Variants in RBM20 observed in about 807,000 individuals in gnomAD.
RBM20 encodes RNA-binding protein 20.
A neutral mutation model predicts 110.1 loss-of-function variants in RBM20; 51 were observed. That is an observed-to-expected ratio of 0.46 (90% CI 0.37 to 0.59). The LOEUF (loss-of-function observed/expected upper bound fraction) is 0.59, where lower values mean the gene tolerates loss of function less well. RBM20 is among the 20% of genes least tolerant of loss of function. The probability of loss-of-function intolerance (pLI) is 0.00; values close to 1 mark genes in which losing one functional copy is unlikely to be tolerated. For synonymous variants in RBM20, 589 were observed against 618.2 expected, an observed-to-expected ratio of 0.95 and a Z score of 0.70; for missense variants, 1,512 against 1,574.9, an observed-to-expected ratio of 0.96 and a Z score of 0.68.
At chr10:110,659,815 T>TTCTTCC (rs142740615) in intron 1 of RBM20, among the ~76,000 whole-genome samples, 6 of 147,224 alleles carry the variant, frequency 4.1e-5, no homozygotes, top group South Asian at 2.2e-4. Flanking sequence ...CCCCTTCCTC[T>TTCTTCC]TCTTCCTCTT....
rs771150636 is a variant in RBM20 at position 110,797,516 on chromosome 10, G to A, written c.1536G>A (p.Gln512=). The change falls in exon 6 of 14, where the codon CAG becomes CAA. Residue 512 remains glutamine (Q), a synonymous_variant. Transcript: ENST00000369519. The part of the protein sequence containing the change: ...PLASVGTTFA[Q]RKGAGRVVHI... ...ATCTTTGTTCCCATTAGTTTGCACA[G>A]CGGAAAGGGGCTGGCCGTGTGGTGC... is the stretch of plus-strand genomic sequence containing the variant. 4 of 1,551,076 alleles carry A rather than the reference G, an allele frequency of 2.6e-6. No individual in the cohort carries two copies. In the South Asian group the frequency reaches 4.8e-5, roughly 18 times the overall value.
chr10:110,723,926 T>A (rs1843535352), intron 1 of RBM20, among the ~76,000 whole-genome samples: 1 of 152,240 alleles, frequency 6.6e-6, no homozygotes, highest in South Asian at 2.1e-4. Context: ...ATTATAGGCT[T>A]ATCTTTTCTT....
intron 13 of RBM20, among the ~76,000 whole-genome samples, chr10:110,834,136 G>A (rs1197444301): frequency 3.3e-5 from 5 of 152,168 alleles, no homozygotes; most frequent in South Asian, 2.1e-4. Context: ...TGGAGTCAGC[G>A]CTCGATAGGA....
intron 1 of RBM20, among the ~76,000 whole-genome samples, chr10:110,768,195 A>T (rs543512421): frequency 6.6e-6 from 1 of 152,190 alleles, no homozygotes; most frequent in Non-Finnish European, 1.5e-5. Flanking sequence ...GTCCAGCTTC[A>T]GCTCGGCATC....
rs117075153 is a variant in RBM20 at position 110,739,262 on chromosome 10, G to C, written c.192-41539G>C. ...TGTTTTTAGGAAGATATTTGAGCAG[G>C]AGATCATGAAAATTTTGCAAGAATC... On this transcript the variant is annotated intron_variant, in intron 1 of 13. Transcript: ENST00000369519. The surrounding 1 kb of genome is among the most constrained non-coding windows in gnomAD (Gnocchi z 4.1). 2.6e-5 allele frequency among the ~76,000 whole-genome samples: 4 copies of C among 152,148 alleles called. No homozygotes were observed. Among genetic ancestry groups the C allele is most frequent in the African/African-American group, 9.7e-5 (4 of 41,430 alleles).
At chr10:110,645,592 C>T (rs1464603737) in intron 1 of RBM20, among the ~76,000 whole-genome samples, 1 of 152,218 alleles carries the variant, frequency 6.6e-6, no homozygotes, top group Non-Finnish European at 1.5e-5. Flanking sequence ...TTCTGCTGCT[C>T]CGCTGATGCT....
chr10:110,816,956 T>C (rs1844847841), intron 9 of RBM20, among the ~76,000 whole-genome samples: 1 of 152,236 alleles, frequency 6.6e-6, no homozygotes, highest in South Asian at 2.1e-4. Flanking sequence ...GAAGCCAGTG[T>C]GCGTGCTGCT....
At chr10:110,665,647 G>A (rs1013165279) in intron 1 of RBM20, among the ~76,000 whole-genome samples, 1 of 151,982 alleles carries the variant, frequency 6.6e-6, no homozygotes, top group Non-Finnish European at 1.5e-5. Context: ...ATACATGCAT[G>A]CATATACATA....
At chr10:110,722,492 T>C (rs1371883337) in intron 1 of RBM20, among the ~76,000 whole-genome samples, 1 of 152,220 alleles carries the variant, frequency 6.6e-6, no homozygotes, top group Non-Finnish European at 1.5e-5. Context: ...TTCGAACAAA[T>C]GTGTAATGAC....
Position 110,644,353 on chromosome 10 carries a change from A to C in RBM20, c.-102A>C. 1 of 934,232 alleles carries C rather than the reference A, an allele frequency of 1.1e-6. No individual in the cohort carries two copies. The highest frequency in any genetic ancestry group is 1.5e-6 in the Non-Finnish European group (1 of 684,570). 57.9% of individuals were successfully genotyped at this position (934,232 alleles called of 1,614,324 possible). On this transcript the variant is annotated 5_prime_UTR_variant, in exon 1 of 14. Coordinates refer to ENST00000369519, the MANE Select transcript of RBM20 (RefSeq NM_001134363.3). The surrounding 1 kb of genome is among the most constrained non-coding windows in gnomAD (Gnocchi z 4.3). ...TCCTCCCCGCGCCACCGGGAAGGAC[A>C]AGGGGACTGGGCACGGGGACCCCGG...
chr10:110,717,405 GTGA>G (rs1715138742), intron 1 of RBM20, among the ~76,000 whole-genome samples: 1 of 152,012 alleles, frequency 6.6e-6, no homozygotes, highest in South Asian at 2.1e-4. Context: ...TGTTCCAAGG[GTGA>G]TAATCTTCAG....
intron 1 of RBM20, among the ~76,000 whole-genome samples, chr10:110,650,246 A>G (rs1338434241): frequency 6.6e-6 from 1 of 152,212 alleles, no homozygotes; most frequent in Non-Finnish European, 1.5e-5. Flanking sequence ...GGTGGAAGTT[A>G]CAGTCAAGTT....
At position 110,648,986 on chromosome 10, in the gene RBM20, AAAGAAG is replaced by A. The variant is rs557039709; in HGVS notation, c.191+4353_191+4358del. Among the ~76,000 whole-genome samples the A allele has an allele frequency of 2.0e-3, 298 of 151,936 alleles. 1 individual carries two copies. Among genetic ancestry groups the A allele is most frequent in the African/African-American group, 7.0e-3 (290 of 41,528 alleles). ...TCTAATGCCAGTGCTGTAGGGGGGAAAAGAAGAAGAAGAAGAATTTGATCACCCTTT... is the reference window on the plus strand; with the variant it reads ...TCTAATGCCAGTGCTGTAGGGGGGAAAAGAAGAAGAATTTGATCACCCTTT... On this transcript the variant is annotated intron_variant, in intron 1 of 13. Transcript: ENST00000369519.
intron 12 of RBM20, among the ~76,000 whole-genome samples, chr10:110,829,068 G>T (rs1349028281): frequency 6.6e-6 from 1 of 152,144 alleles, no homozygotes; most frequent in Non-Finnish European, 1.5e-5. Context: ...CTTCTTTCCT[G>T]GTACCACCCA....
intron 12 of RBM20, 97 bp downstream of exon 12, chr10:110,823,711 T>C (rs546871360): frequency 6.2e-5 from 82 of 1,333,118 alleles, no homozygotes; most frequent in Non-Finnish European, 8.0e-5. Flanking sequence ...GGCATTTTGT[T>C]GTTGACATCG....
At chr10:110,686,868 G>A (rs1388110018) in intron 1 of RBM20, among the ~76,000 whole-genome samples, 2 of 151,510 alleles carry the variant, frequency 1.3e-5, no homozygotes, top group African/African-American at 4.9e-5. Flanking sequence ...GTGAAACCCC[G>A]CCTCTACTAA....
chr10:110,653,750 T>A (rs1323727531), intron 1 of RBM20, among the ~76,000 whole-genome samples: 1 of 152,190 alleles, frequency 6.6e-6, no homozygotes, highest in African/African-American at 2.4e-5. Context: ...GAGATGGGGT[T>A]TCACCATGTT....
intron 5 of RBM20, among the ~76,000 whole-genome samples, chr10:110,787,231 C>T (rs1450354786): frequency 1.3e-5 from 2 of 152,234 alleles, no homozygotes; most frequent in Non-Finnish European, 2.9e-5. Flanking sequence ...AATCTCAGAA[C>T]ATCCCATGCA....
At chr10:110,815,463 A>G (rs547187965) in intron 9 of RBM20, among the ~76,000 whole-genome samples, 1 of 152,344 alleles carries the variant, frequency 6.6e-6, no homozygotes, top group African/African-American at 2.4e-5. Context: ...CTGGATCCCA[A>G]GGACCTGGTG....
Sources: gnomAD v4.1 joint callset for allele counts (sites outside exome capture counted in the v4.1 genomes callset) on GRCh38, gnomAD v4.1.1 for gene constraint, Gnocchi (gnomAD v3.1) non-coding constraint, MANE v1.5 for transcripts, NCBI Gene and HGNC (gene_info 2026-07-23, HGNC 2026-07-21) for gene names.